Variants in TTC6 observed in about 807,000 individuals in gnomAD.
The protein encoded by TTC6 is tetratricopeptide repeat protein 6.
Under a neutral mutation model 210.4 loss-of-function variants are expected in TTC6, and 172 were observed. The ratio of observed to expected loss-of-function variants is 0.82; its 90% CI spans 0.72 to 0.93. The LOEUF (loss-of-function observed/expected upper bound fraction) is 0.93, where lower values mean the gene tolerates loss of function less well. Ranked by LOEUF, TTC6 falls within the 40% of genes least tolerant of loss-of-function variation. TTC6 has a pLI of 0.00. For missense variants in TTC6, 2,414 were observed against 2,318.1 expected, an observed-to-expected ratio of 1.04 and a Z score of -0.85; for synonymous variants, 804 against 819.6, an observed-to-expected ratio of 0.98 and a Z score of 0.32.
At chr14:37,738,850 C>T (rs951901513) in exon 10 of TTC6, 30 of 1,533,958 alleles carry the variant, frequency 2.0e-5, no homozygotes, top group Non-Finnish European at 2.4e-5. Flanking sequence ...ATATGCAAAG[C>T]AGTATAAAAG....
At chr14:37,654,119 G>A (rs2095717662) in intron 1 of TTC6, among the ~76,000 whole-genome samples, 1 of 152,198 alleles carries the variant, frequency 6.6e-6, no homozygotes, top group Non-Finnish European at 1.5e-5. Flanking sequence ...ATACTGAAAT[G>A]TAATCCCCAA....
intron 14 of TTC6, among the ~76,000 whole-genome samples, chr14:37,782,803 T>G (rs1445192707): frequency 6.6e-6 from 1 of 152,198 alleles, no homozygotes; most frequent in Non-Finnish European, 1.5e-5. Context: ...ATACGTCCCA[T>G]CAATATCTAA....
At chr14:37,654,182 C>T (rs151310692) in intron 1 of TTC6, among the ~76,000 whole-genome samples, 2 of 152,100 alleles carry the variant, frequency 1.3e-5, no homozygotes, top group African/African-American at 4.8e-5. Context: ...ATGGTTTTCT[C>T]ATGAATGATT....
chr14:37,695,040 C>CAA (rs57506038), intron 3 of TTC6, among the ~76,000 whole-genome samples: 44 of 57,218 alleles, frequency 7.7e-4, no homozygotes, highest in African/African-American at 1.3e-3. Flanking sequence ...GGCCCTGTCT[C>CAA]AAAAAAAAAA....
intron 10 of TTC6, among the ~76,000 whole-genome samples, chr14:37,743,340 A>G (rs1382815938): frequency 1.3e-5 from 2 of 152,182 alleles, no homozygotes; most frequent in South Asian, 2.1e-4. Context: ...ATAAAAGTTC[A>G]TCCACGGTCT....
At chr14:37,804,586 G>A (rs1234285975) in intron 20 of TTC6, 94 bp from the exon 23 acceptor site, 2 of 1,469,526 alleles carry the variant, frequency 1.4e-6, no homozygotes, top group Non-Finnish European at 1.8e-6. Flanking sequence ...AGAGGTGTGT[G>A]CTCTGTGCTC....
intron 1 of TTC6, among the ~76,000 whole-genome samples, chr14:37,604,706 A>T (rs543406014): frequency 6.6e-6 from 1 of 152,204 alleles, no homozygotes; most frequent in Admixed American, 6.5e-5. Context: ...GAAGAAAATG[A>T]AATCTGGGCT....
chr14:37,654,669 T>C (rs556516866), intron 1 of TTC6, among the ~76,000 whole-genome samples: 5 of 152,296 alleles, frequency 3.3e-5, no homozygotes, highest in African/African-American at 2.4e-5. Context: ...AGAAAATATA[T>C]TAAACGTAGC....
At chr14:37,682,199 G>C (rs1400119248) in intron 2 of TTC6, among the ~76,000 whole-genome samples, 2 of 151,384 alleles carry the variant, frequency 1.3e-5, no homozygotes, top group South Asian at 4.2e-4. Flanking sequence ...GATGACCAGT[G>C]ACAAAAATGA....
At position 37,827,077 on chromosome 14, in the gene TTC6, A is replaced by G. The variant is rs1368279844; in HGVS notation, c.5128-119A>G. ...AATATTTGTTCTACTGGAGTTTTAC[A>G]TGCACTATAAAATTACTCATTTCCC... is the stretch of plus-strand genomic sequence containing the variant. On this transcript the variant is annotated intron_variant, in intron 28 of 30. Coordinates refer to ENST00000553443, the Ensembl canonical transcript of TTC6. The G allele has an allele frequency of 5.7e-5, 44 of 775,076 alleles. No individual in the cohort carries two copies. The East Asian group carries it at 1.3e-3, about 23-fold the overall frequency. 48.0% of individuals were successfully genotyped at this position (775,076 alleles called of 1,614,324 possible).
At chr14:37,649,477 A>G (rs1276740653) in intron 1 of TTC6, among the ~76,000 whole-genome samples, 4 of 152,196 alleles carry the variant, frequency 2.6e-5, no homozygotes, top group African/African-American at 4.8e-5. Context: ...CAGGAATTCA[A>G]TTCATTTCTA....
chr14:37,727,604 T>G (rs1566913991), intron 7 of TTC6, among the ~76,000 whole-genome samples: 1 of 152,032 alleles, frequency 6.6e-6, no homozygotes, highest in Non-Finnish European at 1.5e-5. Flanking sequence ...CTAATTTCTT[T>G]TGCTGAAAAC....
intron 14 of TTC6, among the ~76,000 whole-genome samples, chr14:37,776,405 G>A (rs1160431258): frequency 2.6e-5 from 4 of 152,104 alleles, no homozygotes; most frequent in Non-Finnish European, 5.9e-5. Flanking sequence ...TTGCTTTATA[G>A]TATCATTGGT....
rs538349250 is a variant in TTC6 at position 37,693,032 on chromosome 14, G to A, written c.1258-3685G>A. 3.9e-5 allele frequency among the ~76,000 whole-genome samples: 6 copies of A among 152,110 alleles called. No individual in the cohort carries two copies. The South Asian group carries it at 1.0e-3, about 26-fold the overall frequency. Reference sequence around the variant, plus strand: ...CACCACTGTTATTCAACATCATACTGGAAGTTCTAGCTACAGCCATCAGAC... The same window carrying A: ...CACCACTGTTATTCAACATCATACTAGAAGTTCTAGCTACAGCCATCAGAC... On this transcript the variant is annotated intron_variant, in intron 3 of 30. Transcript: ENST00000553443.
At chr14:37,623,943 G>GA (rs1389485244) in intron 1 of TTC6, among the ~76,000 whole-genome samples, 2 of 152,190 alleles carry the variant, frequency 1.3e-5, no homozygotes, top group African/African-American at 4.8e-5. Flanking sequence ...AAGAAAGAAA[G>GA]AAAAAATATG....
chr14:37,824,612 A>T (rs565771745), intron 27 of TTC6, among the ~76,000 whole-genome samples: 1 of 152,272 alleles, frequency 6.6e-6, no homozygotes, highest in East Asian at 1.9e-4. Flanking sequence ...CAGTGGAGAG[A>T]TAGGCATCAA....
chr14:37,720,624 A>G (rs2095860070), intron 6 of TTC6: 1 of 151,992 alleles, frequency 6.6e-6, no homozygotes. Flanking sequence ...GGTTAAGAAA[A>G]CTGTGGTACA....
intron 1 of TTC6, among the ~76,000 whole-genome samples, chr14:37,658,527 A>G (rs1007036748): frequency 3.9e-5 from 6 of 152,162 alleles, no homozygotes; most frequent in Admixed American, 6.5e-5. Context: ...TGAATAATGT[A>G]CACACATGGA....
intron 10 of TTC6, among the ~76,000 whole-genome samples, chr14:37,744,644 T>C (rs559026688): frequency 6.6e-6 from 1 of 152,242 alleles, no homozygotes; most frequent in Admixed American, 6.5e-5. Context: ...CCAGAGTAAA[T>C]TTGAAATTAT....
Sources: allele counts gnomAD v4.1 joint callset (sites outside exome capture counted in the v4.1 genomes callset), GRCh38; gene constraint gnomAD v4.1.1; transcripts MANE v1.5; gene names NCBI Gene and HGNC (gene_info 2026-07-23, HGNC 2026-07-21).